The following LRP2 variants were observed in gnomAD, a reference collection of about 807,000 sequenced individuals.
LRP2 encodes the protein low-density lipoprotein receptor-related protein 2.
In LRP2, 172 loss-of-function variants were observed where a neutral mutation model predicts 531.0. The observed-to-expected ratio is 0.32, with a 90% CI of 0.29 to 0.37. The LOEUF (loss-of-function observed/expected upper bound fraction) is 0.37. Ranked by LOEUF, LRP2 falls within the 10% of genes least tolerant of loss-of-function variation. The pLI is 1.00. For synonymous variants in LRP2, 1,992 were observed against 2,027.6 expected (o/e 0.98, Z 0.47); for missense variants, 5,167 against 5,868.3 (o/e 0.88, Z 3.90).
chr2:169,134,652 C>T (rs1392281452), intron 76 of LRP2, among the ~76,000 whole-genome samples: 6 of 152,204 alleles, frequency 3.9e-5, no homozygotes, highest in African/African-American at 1.4e-4. Context: ...GCAAGCCGAA[C>T]TCATTGCCTT....
At position 169,135,894 on chromosome 2, in the gene LRP2, A is replaced by C. The variant is rs1417688790; in HGVS notation, c.13620+1498T>G. ...ACTCATAAATGCCCTGCTCTTGTTT[A>C]TACCACCGGTTTACACTGTTTCTCC... On this transcript the variant is annotated intron_variant, in intron 76 of 78. Transcript: ENST00000649046. Among the ~76,000 whole-genome samples, 3 of 152,046 alleles carry C rather than the reference A, an allele frequency of 2.0e-5. No individual in the cohort carries two copies. In the East Asian group the frequency reaches 5.8e-4, roughly 29 times the overall value.
At chr2:169,200,199 T>C (rs996622897) in intron 44 of LRP2, among the ~76,000 whole-genome samples, 4 of 152,142 alleles carry the variant, frequency 2.6e-5, no homozygotes, top group Non-Finnish European at 4.4e-5. Flanking sequence ...TGCAGTGAGC[T>C]GAGATCGCGT....
intron 50 of LRP2, among the ~76,000 whole-genome samples, chr2:169,183,405 G>A (rs979704116): frequency 2.0e-5 from 3 of 152,216 alleles, no homozygotes; most frequent in East Asian, 1.9e-4. Context: ...ACTAAGAACA[G>A]TGAGAATAAT....
intron 34 of LRP2, among the ~76,000 whole-genome samples, chr2:169,219,440 C>G (rs747258331): frequency 6.6e-6 from 1 of 152,130 alleles, no homozygotes; most frequent in Non-Finnish European, 1.5e-5. Context: ...TCAAACAGAC[C>G]GGAGGACTCC....
intron 4 of LRP2, among the ~76,000 whole-genome samples, chr2:169,302,327 C>A (rs1684304473): frequency 6.6e-6 from 1 of 152,108 alleles, no homozygotes; most frequent in African/African-American, 2.4e-5. Context: ...AGCTAGCTAT[C>A]CTGTGTCTCC....
intron 70 of LRP2, among the ~76,000 whole-genome samples, chr2:169,144,989 G>T (rs1409447056): frequency 1.3e-5 from 2 of 152,166 alleles, no homozygotes; most frequent in Admixed American, 1.3e-4. Context: ...TCACCCATTT[G>T]TTATGTGACT....
At chr2:169,330,741 A>G (rs1685242497) in intron 1 of LRP2, among the ~76,000 whole-genome samples, 1 of 152,090 alleles carries the variant, frequency 6.6e-6, no homozygotes, top group Non-Finnish European at 1.5e-5. Flanking sequence ...AGGCACATCT[A>G]TGCCGCTTGA....
intron 1 of LRP2, among the ~76,000 whole-genome samples, chr2:169,344,326 G>T (rs1277204513): frequency 6.6e-6 from 1 of 150,508 alleles, no homozygotes; most frequent in African/African-American, 2.5e-5. Context: ...GTGTCCATGT[G>T]TTCTCATTGT....
chr2:169,334,945 T>A (rs1324818040), intron 1 of LRP2, among the ~76,000 whole-genome samples: 4 of 152,294 alleles, frequency 2.6e-5, no homozygotes, highest in African/African-American at 9.6e-5. Context: ...TCTAACATTC[T>A]AAGAGTTGTT....
At position 169,282,963 on chromosome 2, in the gene LRP2, T is replaced by G; in HGVS notation, c.1081A>C (p.Lys361Gln). ...TGACGGCCAGGTCGGCTTTCACACT[T>G]CTGGTCACAAATTCCCCATATCTGG... is the stretch of plus-strand genomic sequence containing the variant. ...DCQIWGICDQKCESRPGRHLC... is the reference protein window; with the variant it reads ...DCQIWGICDQQCESRPGRHLC... Residue 361 changes from lysine (K) to glutamine (Q), a missense_variant, in exon 10 of 79, where the codon AAG (lysine) becomes CAG (glutamine). Coordinates refer to ENST00000649046, the MANE Select transcript of LRP2 (RefSeq NM_004525.3). 1 of 1,614,184 alleles carries G rather than the reference T, an allele frequency of 6.2e-7. No individual in the cohort carries two copies. Among genetic ancestry groups the G allele is most frequent in the Non-Finnish European group, 8.5e-7 (1 of 1,180,012 alleles).
At chr2:169,184,596 G>C (rs1687560459) in intron 50 of LRP2, among the ~76,000 whole-genome samples, 1 of 152,202 alleles carries the variant, frequency 6.6e-6, no homozygotes, top group Non-Finnish European at 1.5e-5. Flanking sequence ...GAGATGTTAA[G>C]AAGTGTGGTT....
chr2:169,268,230 A>G (rs1314719061), intron 16 of LRP2, among the ~76,000 whole-genome samples: 2 of 152,220 alleles, frequency 1.3e-5, no homozygotes, highest in Non-Finnish European at 2.9e-5. Flanking sequence ...CAAAGCAAAA[A>G]GAGGGAATCA....
Position 169,279,420 on chromosome 2 carries a change from G to C in LRP2, c.1517C>G (p.Thr506Ser), listed in dbSNP as rs1054888482. Reference protein sequence around the residue: ...LDGSYRVTLITENLGHPRGIA... With the variant: ...LDGSYRVTLISENLGHPRGIA... ...TCCTCTAGGATGCCCCAAGTTTTCA[G>C]TTATAAGGGTAACCCGATAGCTTCC... The change falls in exon 12 of 79, where the codon ACT (threonine) becomes AGT (serine). Residue 506 changes from threonine (T) to serine (S), a missense_variant. By Grantham distance (58) the Thr-to-Ser change is moderately conservative. This residue lies in a region of LRP2 where 2,811 missense variants were observed against 3,058.0 expected (regional missense o/e 0.92). Coordinates refer to ENST00000649046, the MANE Select transcript of LRP2 (RefSeq NM_004525.3). 6.2e-7 allele frequency: 1 copy of C among 1,614,048 alleles called. No individual in the cohort carries two copies. The highest frequency in any genetic ancestry group is 8.5e-7 in the Non-Finnish European group (1 of 1,179,986).
chr2:169,278,635 C>T (rs1016384673), intron 12 of LRP2, among the ~76,000 whole-genome samples: 1 of 152,150 alleles, frequency 6.6e-6, no homozygotes, highest in Admixed American at 6.6e-5. Context: ...CATTCTGAGG[C>T]ACAGAGAACA....
intron 1 of LRP2, among the ~76,000 whole-genome samples, chr2:169,338,763 T>C (rs1458883399): frequency 6.6e-6 from 1 of 152,128 alleles, no homozygotes. Flanking sequence ...ACTACTATAA[T>C]ATTACAGAAG....
At chr2:169,177,645 A>T (rs1687249073) in intron 53 of LRP2, among the ~76,000 whole-genome samples, 158 bp downstream of exon 53, 1 of 152,268 alleles carries the variant, frequency 6.6e-6, no homozygotes, top group Non-Finnish European at 1.5e-5. Context: ...ATAAACTCTA[A>T]AGATATTTGC....
At chr2:169,255,402 A>G (rs748142408) in intron 19 of LRP2, among the ~76,000 whole-genome samples, 23 of 152,272 alleles carry the variant, frequency 1.5e-4, no homozygotes, top group Non-Finnish European at 2.9e-4. Context: ...GCATGCCTGC[A>G]CTCAAATGGG....
Position 169,243,519 on chromosome 2 carries a change from G to A in LRP2, c.3434C>T (p.Ser1145Leu), listed in dbSNP as rs140061784. The change falls in exon 23 of 79, where the codon TCG (serine) becomes TTG (leucine). Residue 1145 changes from serine (S) to leucine (L), a missense_variant. Ser to Leu is a moderately radical substitution (Grantham distance 145, BLOSUM62 -2). Around this residue, in one of 6 missense-constraint regions of LRP2, gnomAD observed 2,811 missense variants for 3,058.0 expected, o/e 0.92. Coordinates refer to ENST00000649046, the MANE Select transcript of LRP2 (RefSeq NM_004525.3). ...GDGSDEKNCN[S>L]TETCQPSQFN... ...CTGACTAGGTTGGCATGTCTCTGTC[G>A]AATCTAATGTCATCCGAAAACAAAA... 1.1e-3 allele frequency: 1,774 copies of A among 1,614,006 alleles called. 15 individuals carry two copies. The South Asian group carries it at 0.013, about 12-fold the overall frequency.
At chr2:169,313,187 C>G (rs772394457) in intron 3 of LRP2, among the ~76,000 whole-genome samples, 2 of 152,136 alleles carry the variant, frequency 1.3e-5, no homozygotes, top group Admixed American at 1.3e-4. Context: ...TATTACCGAT[C>G]GTCTGAAGCC....
Sources: gnomAD v4.1 joint callset for allele counts (sites outside exome capture counted in the v4.1 genomes callset) on GRCh38, gnomAD v4.1.1 for gene constraint, gnomAD v4.1.1 regional missense constraint, MANE v1.5 for transcripts, NCBI Gene and HGNC (gene_info 2026-07-23, HGNC 2026-07-21) for gene names.